Variants in TANC2 observed in about 807,000 individuals in gnomAD.
TANC2 encodes protein TANC2.
Under a neutral mutation model 210.5 loss-of-function variants are expected in TANC2, and 26 were observed. The observed-to-expected ratio is 0.12, with a 90% confidence interval of 0.09 to 0.17. The LOEUF is 0.17. TANC2 is among the 10% of genes least tolerant of loss of function. The pLI is 1.00. For synonymous variants in TANC2, 931 were observed against 967.1 expected, an observed-to-expected ratio of 0.96 and a Z score of 0.69; for missense variants, 2,129 against 2,608.9, an observed-to-expected ratio of 0.82 and a Z score of 4.01.
chr17:63,016,474 C>T lies in TANC2; in HGVS notation c.67+6848C>T, dbSNP rs80064571. Among the ~76,000 whole-genome samples the T allele has an allele frequency of 2.6e-3, 401 of 152,184 alleles. 1 individual carries two copies. Among genetic ancestry groups the T allele is most frequent in the African/African-American group, 7.9e-3 (327 of 41,508 alleles). On this transcript the variant is annotated intron_variant, in intron 2 of 27. Transcript: ENST00000689528. Reference sequence around the variant, plus strand: ...TGCCACATTTTGTTGGTCTGTTCTTCCTTTGATGGGCATTTGGGTTGTTTG... The same window carrying T: ...TGCCACATTTTGTTGGTCTGTTCTTTCTTTGATGGGCATTTGGGTTGTTTG...
At chr17:63,188,177 C>A (rs905454643) in intron 5 of TANC2, among the ~76,000 whole-genome samples, 2 of 151,902 alleles carry the variant, frequency 1.3e-5, no homozygotes, top group Non-Finnish European at 2.9e-5. Context: ...ATCAGGCTGG[C>A]CAGGGTGACA....
chr17:63,105,630 A>T (rs537196910), intron 4 of TANC2, among the ~76,000 whole-genome samples: 15 of 151,762 alleles, frequency 9.9e-5, no homozygotes, highest in Non-Finnish European at 1.9e-4. Flanking sequence ...AGTCTAACAT[A>T]ACAAACATTA....
chr17:63,329,619 A>C lies in TANC2; in HGVS notation c.1576-10482A>C, dbSNP rs1310696290. 2.0e-5 allele frequency among the ~76,000 whole-genome samples: 3 copies of C among 152,190 alleles called. No individual in the cohort carries two copies. In the East Asian group the frequency reaches 5.8e-4, roughly 29 times the overall value. On this transcript the variant is annotated intron_variant, in intron 11 of 27. Coordinates refer to ENST00000689528, the Ensembl canonical transcript of TANC2. ...ATGCTTGCAATATTTCAAACTTTTT[A>C]ATTATTACTATATTTGTTATGGTAA...
intron 15 of TANC2, among the ~76,000 whole-genome samples, chr17:63,385,930 C>A (rs2047764054): frequency 6.6e-6 from 1 of 152,170 alleles, no homozygotes; most frequent in African/African-American, 2.4e-5. Flanking sequence ...TTTGACCCAG[C>A]CTTTTGGCTC....
At chr17:63,359,751 G>A (rs1426564542) in intron 14 of TANC2, among the ~76,000 whole-genome samples, 1 of 152,196 alleles carries the variant, frequency 6.6e-6, no homozygotes, top group Middle Eastern at 3.4e-3. Flanking sequence ...TTGTGATGTG[G>A]GAGCCTAAGG....
chr17:63,409,019 ATCCTTTC>A (rs1396842535), intron 21 of TANC2, among the ~76,000 whole-genome samples: 1 of 152,194 alleles, frequency 6.6e-6, no homozygotes, highest in Non-Finnish European at 1.5e-5. Flanking sequence ...GGTATGCTTG[ATCCTTTC>A]AAGTGAAAAT....
At chr17:63,099,612 A>G (rs1331815768) in intron 4 of TANC2, among the ~76,000 whole-genome samples, 1 of 152,112 alleles carries the variant, frequency 6.6e-6, no homozygotes, top group Admixed American at 6.6e-5. Context: ...CTAGGTTTTC[A>G]GGAAGTTCCT....
intron 8 of TANC2, 46 bp downstream of exon 8, chr17:63,238,123 A>G (rs139218335): frequency 6.7e-7 from 1 of 1,486,582 alleles, no homozygotes; most frequent in African/African-American, 1.4e-5. Context: ...TTAAATAATC[A>G]TTTTACTCCA....
At chr17:63,053,899 A>C (rs1286809252) in intron 2 of TANC2, among the ~76,000 whole-genome samples, 1 of 152,132 alleles carries the variant, frequency 6.6e-6, no homozygotes, top group Non-Finnish European at 1.5e-5. Flanking sequence ...ACCTCTTCTC[A>C]CTACCTCCAC....
intron 5 of TANC2, among the ~76,000 whole-genome samples, chr17:63,178,288 G>A (rs553589114): frequency 1.1e-3 from 175 of 152,180 alleles, no homozygotes; most frequent in African/African-American, 4.1e-3. Context: ...AGCCGAGATC[G>A]CGCCACTGCA....
chr17:63,012,663 A>G (rs2033924034), intron 2 of TANC2, among the ~76,000 whole-genome samples: 1 of 151,854 alleles, frequency 6.6e-6, no homozygotes, highest in Non-Finnish European at 1.5e-5. Context: ...GTTTTATTTT[A>G]TTTTTAGAGA....
intron 5 of TANC2, among the ~76,000 whole-genome samples, chr17:63,178,136 C>T (rs2040654554): frequency 6.6e-6 from 1 of 152,134 alleles, no homozygotes. Context: ...TCGAGACCAT[C>T]GTGGCTAACA....
At chr17:63,315,655 C>CA (rs2045291437) in intron 10 of TANC2, among the ~76,000 whole-genome samples, 1 of 152,218 alleles carries the variant, frequency 6.6e-6, no homozygotes, top group Non-Finnish European at 1.5e-5. Context: ...TTTCAGACTG[C>CA]AACCACTAGA....
At chr17:63,075,357 A>G (rs1454641212) in intron 3 of TANC2, among the ~76,000 whole-genome samples, 1 of 152,178 alleles carries the variant, frequency 6.6e-6, no homozygotes, top group Non-Finnish European at 1.5e-5. Flanking sequence ...TTTATTAACA[A>G]AGCTAAAACT....
chr17:63,302,810 G>A (rs1598810442), intron 9 of TANC2, among the ~76,000 whole-genome samples: 1 of 151,496 alleles, frequency 6.6e-6, no homozygotes, highest in Non-Finnish European at 1.5e-5. Flanking sequence ...GTTGCCCAGG[G>A]TGGAGTGCAG....
intron 1 of TANC2, among the ~76,000 whole-genome samples, chr17:62,973,181 C>T (rs1230952702): frequency 6.6e-6 from 1 of 152,166 alleles, no homozygotes; most frequent in Non-Finnish European, 1.5e-5. Context: ...AGGCATGTGC[C>T]ACCATGCCCA....
intron 3 of TANC2, among the ~76,000 whole-genome samples, chr17:63,098,515 G>GTAAAAATT (rs2037497463): frequency 7.9e-6 from 1 of 126,754 alleles, no homozygotes; most frequent in Non-Finnish European, 1.7e-5. Flanking sequence ...CTCTCTGTGT[G>GTAAAAATT]TATATATATA....
intron 17 of TANC2, among the ~76,000 whole-genome samples, chr17:63,393,750 CAGTA>C (rs1424676559): frequency 2.0e-5 from 3 of 151,042 alleles, no homozygotes; most frequent in African/African-American, 7.3e-5. Flanking sequence ...ATTCTTGCTG[CAGTA>C]AGTATTATTA....
chr17:63,120,828 A>AC (rs1275148106), intron 4 of TANC2: 1 of 150,822 alleles, frequency 6.6e-6, no homozygotes, highest in Non-Finnish European at 1.5e-5. Context: ...AAAAAAAAAA[A>AC]AAAAAAAAAA....
Sources: gnomAD v4.1 joint callset for allele counts (sites outside exome capture counted in the v4.1 genomes callset) on GRCh38, gnomAD v4.1.1 for gene constraint, MANE v1.5 for transcripts, NCBI Gene and HGNC (gene_info 2026-07-23, HGNC 2026-07-21) for gene names.